The following ZNF676 variants were observed in gnomAD, a reference collection of about 807,000 sequenced individuals.
ZNF676 encodes zinc finger protein 676.
In ZNF676, 4 loss-of-function variants were observed where a neutral mutation model predicts 6.0. The ratio of observed to expected loss-of-function variants is 0.67; its 90% CI spans 0.33 to 1.53. The LOEUF is 1.53. Among genes scored for constraint, ZNF676 ranks in the 40% most tolerant of loss-of-function variants. ZNF676 has a pLI of 0.06. For synonymous variants in ZNF676, 198 were observed against 223.1 expected, an observed-to-expected ratio of 0.89 and a Z score of 1.00; for missense variants, 644 against 679.7, an observed-to-expected ratio of 0.95 and a Z score of 0.58.
the ZNF676 span, among the ~76,000 whole-genome samples, chr19:22,221,538 G>T: frequency 6.6e-6 from 1 of 152,078 alleles, no homozygotes; most frequent in African/African-American, 2.4e-5. Context: ...ATAACCTGAG[G>T]TCAGGAGTTC....
At chr19:22,253,033 C>T in the ZNF676 span, among the ~76,000 whole-genome samples, 1 of 152,178 alleles carries the variant, frequency 6.6e-6, no homozygotes. Flanking sequence ...CAACAGTTTG[C>T]TGAATCCATC....
chr19:22,220,824 C>T, the ZNF676 span, among the ~76,000 whole-genome samples: 1 of 152,094 alleles, frequency 6.6e-6, no homozygotes, highest in Non-Finnish European at 1.5e-5. Flanking sequence ...TTATTTCTTC[C>T]TGATTTAATC....
At chr19:22,219,908 G>A (rs2024230556), upstream of ZNF676, among the ~76,000 whole-genome samples, 1 of 151,666 alleles carries the variant, frequency 6.6e-6, no homozygotes, top group Non-Finnish European at 1.5e-5. Flanking sequence ...GCCCACCTCA[G>A]CCTCCCAAAG....
chr19:22,248,461 T>C, the ZNF676 span, among the ~76,000 whole-genome samples: 2 of 152,222 alleles, frequency 1.3e-5, no homozygotes, highest in African/African-American at 2.4e-5. Flanking sequence ...GTTGTGCACA[T>C]GTACCCTAGA....
At chr19:22,211,382 T>C (rs1290071206) in intron 1 of ZNF676, among the ~76,000 whole-genome samples, 6 of 152,164 alleles carry the variant, frequency 3.9e-5, no homozygotes, top group African/African-American at 1.4e-4. Flanking sequence ...AAAATTAACC[T>C]TAGCTTGCAG....
At chr19:22,186,339 T>C (rs145173331) in intron 2 of ZNF676, among the ~76,000 whole-genome samples, 1 of 152,284 alleles carries the variant, frequency 6.6e-6, no homozygotes, top group African/African-American at 2.4e-5. Context: ...CTGAGAGATT[T>C]TGTCACCACC....
At chr19:22,183,869 A>G (rs1432835379) in intron 2 of ZNF676, among the ~76,000 whole-genome samples, 1 of 152,230 alleles carries the variant, frequency 6.6e-6, no homozygotes, top group African/African-American at 2.4e-5. Context: ...AGACAAAGAA[A>G]GATATTAAAA....
At chr19:22,246,398 TG>T in the ZNF676 span, among the ~76,000 whole-genome samples, 1 of 152,006 alleles carries the variant, frequency 6.6e-6, no homozygotes, top group East Asian at 1.9e-4. Context: ...CCTGGGTACT[TG>T]CTCCAGGAAT....
At chr19:22,231,849 C>T in the ZNF676 span, among the ~76,000 whole-genome samples, 121 of 152,188 alleles carry the variant, frequency 8.0e-4, no homozygotes, top group African/African-American at 2.7e-3. Flanking sequence ...ATCCACCCGC[C>T]TCAGCCTCCC....
chr19:22,224,042 A>G, the ZNF676 span, among the ~76,000 whole-genome samples: 8 of 151,338 alleles, frequency 5.3e-5, no homozygotes, highest in Non-Finnish European at 7.4e-5. Context: ...TCTTCTATTT[A>G]TGATTATACT....
the ZNF676 span, chr19:22,244,181 T>A: frequency 6.6e-6 from 1 of 152,080 alleles, no homozygotes; most frequent in African/African-American, 2.4e-5. Context: ...GTAGCTGGGA[T>A]TACAGGCACA....
chr19:22,197,315 T>C (rs1014215707), upstream of ZNF676, among the ~76,000 whole-genome samples: 2 of 130,894 alleles, frequency 1.5e-5, no homozygotes, highest in African/African-American at 5.5e-5. Context: ...TGAAACTCCA[T>C]CTCAAAAAAA....
intron 1 of ZNF676, among the ~76,000 whole-genome samples, chr19:22,211,597 A>T (rs2024129857): frequency 6.6e-6 from 1 of 152,300 alleles, no homozygotes; most frequent in African/African-American, 2.4e-5. Context: ...TGTATTAAAA[A>T]TCATGAGGTA....
the ZNF676 span, chr19:22,244,819 C>G: frequency 1.3e-5 from 2 of 152,198 alleles, no homozygotes; most frequent in African/African-American, 4.8e-5. Context: ...AGCCTCTGAT[C>G]CAGTCCTGTA....
At chr19:22,182,668 G>A (rs1190156013) in intron 2 of ZNF676, among the ~76,000 whole-genome samples, 71 of 132,092 alleles carry the variant, frequency 5.4e-4, no homozygotes, top group East Asian at 8.6e-4. Flanking sequence ...CTGCCTAAAA[G>A]AAAAAAAAAA....
At chr19:22,254,419 C>T in the ZNF676 span, among the ~76,000 whole-genome samples, 1 of 152,142 alleles carries the variant, frequency 6.6e-6, no homozygotes, top group Non-Finnish European at 1.5e-5. Flanking sequence ...CAAGGCCCCT[C>T]ATGGGCAGGG....
the ZNF676 span, among the ~76,000 whole-genome samples, chr19:22,238,190 T>C: frequency 6.6e-6 from 1 of 152,168 alleles, no homozygotes; most frequent in African/African-American, 2.4e-5. Flanking sequence ...TAGCTGGGAT[T>C]ACAGGCACTC....
At chr19:22,210,701 A>G (rs1452723254) in intron 1 of ZNF676, among the ~76,000 whole-genome samples, 1 of 152,158 alleles carries the variant, frequency 6.6e-6, no homozygotes, top group Non-Finnish European at 1.5e-5. Context: ...CAGCCAGGAA[A>G]ACACTCTGCA....
At chr19:22,184,739 C>A (rs146140464) in intron 2 of ZNF676, among the ~76,000 whole-genome samples, 29 of 149,676 alleles carry the variant, frequency 1.9e-4, no homozygotes, top group African/African-American at 7.0e-4. Flanking sequence ...ATAAAGCCAC[C>A]CAGAAGATTG....
Sources: allele counts gnomAD v4.1 joint callset (sites outside exome capture counted in the v4.1 genomes callset), GRCh38; gene constraint gnomAD v4.1.1; transcripts MANE v1.5; gene names NCBI Gene and HGNC (gene_info 2026-07-23, HGNC 2026-07-21).